ISY1: variants seen among roughly 807,000 people sequenced by gnomAD.
ISY1 encodes the protein pre-mRNA-splicing factor ISY1 homolog.
A neutral mutation model predicts 54.4 loss-of-function variants in ISY1; 12 were observed. The observed-to-expected ratio is 0.22, with a 90% confidence interval of 0.14 to 0.36. The LOEUF is 0.36. ISY1 is among the 10% of genes least tolerant of loss of function. The pLI is 1.00. For synonymous variants in ISY1, 96 were observed against 117.9 expected (o/e 0.81, Z 1.20); for missense variants, 282 against 342.2 (o/e 0.82, Z 1.39).
chr3:129,133,189 A>G (rs1936283541), intron 9 of ISY1, among the ~76,000 whole-genome samples: 1 of 152,234 alleles, frequency 6.6e-6, no homozygotes, highest in Non-Finnish European at 1.5e-5. Context: ...GAAAAAATAA[A>G]AGGTGTAGCA....
chr3:129,145,224 AT>A (rs35391482), intron 6 of ISY1, among the ~76,000 whole-genome samples: 8,706 of 137,138 alleles, frequency 0.063, 381 homozygotes, highest in African/African-American at 0.14. Context: ...GACCATAGTC[AT>A]TTTTTTTTTT....
chr3:129,135,036 C>T, intron 7 of ISY1, 82 bp from the exon 8 acceptor site: 1 of 1,477,414 alleles, frequency 6.8e-7, no homozygotes. Context: ...ACGCTATACA[C>T]ACACGTGGCA....
chr3:129,142,491 G>A (rs1038624464), intron 6 of ISY1, among the ~76,000 whole-genome samples: 5 of 151,990 alleles, frequency 3.3e-5, no homozygotes, highest in African/African-American at 1.2e-4. Flanking sequence ...TAAATCTCAA[G>A]GTACACAAAG....
rs1488461809 is a variant in ISY1, at chr3:129,129,936, C to A, written c.*145G>T. ...CAGGAAGACCAGGGACAGACCCCTA[C>A]CCTCCGGTCAACATGAGACAAGGAG... is the stretch of plus-strand genomic sequence containing the variant. On this transcript the variant is annotated 3_prime_UTR_variant, in exon 11 of 11. Transcript: ENST00000393295. 5.1e-6 allele frequency: 3 copies of A among 593,354 alleles called. No homozygotes were observed. Among genetic ancestry groups the A allele is most frequent in the East Asian group, 2.9e-5 (1 of 34,094 alleles). 36.8% of individuals were successfully genotyped at this position (593,354 alleles called of 1,614,324 possible).
In ISY1 at chr3:129,150,087, T is replaced by C. The variant is rs1936921238; in HGVS notation, c.188-4214A>G. 3.3e-5 allele frequency among the ~76,000 whole-genome samples: 5 copies of C among 152,268 alleles called. No individual in the cohort carries two copies. The South Asian group carries it at 1.0e-3, about 32-fold the overall frequency. On this transcript the variant is annotated intron_variant, in intron 5 of 10. Coordinates refer to ENST00000393295, the MANE Select transcript of ISY1 (RefSeq NM_020701.4). Reference sequence around the variant, plus strand: ...GCCCTGTCCTTTCACCAATACCACATTATCTGGAAGCTGGAGCTTTCTATT... The same window carrying C: ...GCCCTGTCCTTTCACCAATACCACACTATCTGGAAGCTGGAGCTTTCTATT...
intron 1 of ISY1, among the ~76,000 whole-genome samples, chr3:129,160,120 G>A (rs976472152): frequency 2.6e-5 from 4 of 152,008 alleles, no homozygotes; most frequent in Non-Finnish European, 4.4e-5. Flanking sequence ...CCGCCTCCCG[G>A]GTTCACGCCA....
intron 10 of ISY1, 43 bp from the exon 11 acceptor site, chr3:129,130,231 C>A (rs144508374): frequency 6.5e-7 from 1 of 1,547,322 alleles, no homozygotes; most frequent in Non-Finnish European, 8.7e-7. Flanking sequence ...CAGCAAAGCC[C>A]CTCAACCCCT....
rs554760295 is a variant in ISY1 at position 129,142,558 on chromosome 3, T to C, written c.301-2073A>G. ...TACTGGTAAATCTGTATAAAGGGTA[T>C]ATAAAAGTTCTCTGTATATTTTTGC... On this transcript the variant is annotated intron_variant, in intron 6 of 10. Coordinates refer to ENST00000393295, the MANE Select transcript of ISY1 (RefSeq NM_020701.4). 5.3e-5 allele frequency among the ~76,000 whole-genome samples: 8 copies of C among 152,284 alleles called. No homozygotes were observed. In the East Asian group the frequency reaches 5.8e-4, roughly 11 times the overall value.
chr3:129,141,778 AAAAT>A (rs145426211), intron 6 of ISY1, among the ~76,000 whole-genome samples: 17 of 151,764 alleles, frequency 1.1e-4, no homozygotes, highest in African/African-American at 2.9e-4. Flanking sequence ...AAATAATTAA[AAAAT>A]AAATAAATAA....
At chr3:129,157,016 G>T in intron 3 of ISY1, 96 bp from the exon 4 acceptor site, 1 of 1,365,022 alleles carries the variant, frequency 7.3e-7, no homozygotes, top group Non-Finnish European at 1.0e-6. Context: ...ATCATCTAAT[G>T]GCCTAAAAAC....
chr3:129,149,239 T>C (rs1936862494), intron 5 of ISY1, among the ~76,000 whole-genome samples: 1 of 147,234 alleles, frequency 6.8e-6, no homozygotes, highest in African/African-American at 2.5e-5. Context: ...CGAGACCAGT[T>C]TGACAAACAA....
intron 6 of ISY1, among the ~76,000 whole-genome samples, chr3:129,145,306 T>C (rs1167757901): frequency 6.6e-6 from 1 of 150,726 alleles, no homozygotes; most frequent in Non-Finnish European, 1.5e-5. Flanking sequence ...CACTGCAACC[T>C]CCATCTTCCA....
At chr3:129,135,096 CCT>C (rs1220671108) in intron 7 of ISY1, 142 bp from the exon 8 acceptor site, 11 of 1,203,382 alleles carry the variant, frequency 9.1e-6, no homozygotes, top group Non-Finnish European at 1.1e-5. Context: ...TGCTTGTAAT[CCT>C]AGCGCTTTGG....
In ISY1 at chr3:129,127,916, G is replaced by C. The variant is rs1936132655; in HGVS notation, c.*2165C>G. Reference sequence around the variant, plus strand: ...TTCCCCATTCTCTTCTGAATGCCAGGAAGCACCAGAGTGCGCGTGTGCCCC... The same window carrying C: ...TTCCCCATTCTCTTCTGAATGCCAGCAAGCACCAGAGTGCGCGTGTGCCCC... On this transcript the variant is annotated 3_prime_UTR_variant, in exon 11 of 11. Transcript: ENST00000393295. 6.6e-6 allele frequency: 1 copy of C among 152,224 alleles called. No individual in the cohort carries two copies. Among genetic ancestry groups the C allele is most frequent in the Non-Finnish European group, 1.5e-5 (1 of 68,052 alleles). 9.4% of individuals were successfully genotyped at this position (152,224 alleles called of 1,614,324 possible).
intron 9 of ISY1, among the ~76,000 whole-genome samples, chr3:129,133,126 C>T (rs1333913469): frequency 2.0e-5 from 3 of 152,082 alleles, no homozygotes; most frequent in Non-Finnish European, 4.4e-5. Flanking sequence ...GTTGAATTTT[C>T]CTTGTTTCAG....
Position 129,158,235 on chromosome 3 carries a change from T to C in ISY1, c.78+273A>G, listed in dbSNP as rs1937203560. 5.4e-5 allele frequency among the ~76,000 whole-genome samples: 8 copies of C among 149,436 alleles called. No homozygotes were observed. The South Asian group carries it at 1.7e-3, about 32-fold the overall frequency. ...GTGGCATGATCATGGCTCCCTGCAG[T>C]GTAAGACTCCTGCATTCAAGTGATT... On this transcript the variant is annotated intron_variant, in intron 3 of 10. Transcript: ENST00000393295.
chr3:129,134,090 G>A lies in ISY1; in HGVS notation c.647C>T (p.Ala216Val), dbSNP rs1576870318. The A allele has an allele frequency of 2.5e-6, 4 of 1,614,026 alleles. No homozygotes were observed. In the East Asian group the frequency reaches 8.9e-5, roughly 36 times the overall value. The change falls in exon 9 of 11, where the codon GCA becomes GTA. Residue 216 changes from alanine to valine, a missense_variant. Around this residue, in one of 2 missense-constraint regions of ISY1, gnomAD observed 279 missense variants for 323.6 expected, o/e 0.86. Coordinates refer to ENST00000393295, the MANE Select transcript of ISY1 (RefSeq NM_020701.4). ...CCCCAATACCTCCTCCTCGGTGACT[G>A]CATAGATGTTGATCTCTTCCTCCTC... ...EEEEEEINIY[A>V]VTEEESDEEG...
chr3:129,142,207 GAAAAA>G (rs11324480), intron 6 of ISY1, among the ~76,000 whole-genome samples: 2 of 120,668 alleles, frequency 1.7e-5, no homozygotes, highest in Non-Finnish European at 1.8e-5. Context: ...ACTCTGTCTC[GAAAAA>G]AAAAAAAAAA....
At chr3:129,135,493 C>T (rs189364104) in intron 7 of ISY1, among the ~76,000 whole-genome samples, 10 of 152,154 alleles carry the variant, frequency 6.6e-5, no homozygotes, top group Admixed American at 2.0e-4. Context: ...AGGCCGGGTG[C>T]GGTGACTCAT....
Sources: allele counts gnomAD v4.1 joint callset (sites outside exome capture counted in the v4.1 genomes callset), GRCh38; gene constraint gnomAD v4.1.1; regional missense constraint gnomAD v4.1.1; transcripts MANE v1.5; gene names NCBI Gene and HGNC (gene_info 2026-07-23, HGNC 2026-07-21).